Variants in SERTAD2 observed in about 807,000 individuals in gnomAD.
SERTAD2 encodes the protein SERTA domain containing 2.
A neutral mutation model predicts 15.4 loss-of-function variants in SERTAD2; 2 were observed. The ratio of observed to expected loss-of-function variants is 0.13; its 90% CI spans 0.05 to 0.41. The LOEUF (loss-of-function observed/expected upper bound fraction) is 0.41, where lower values mean the gene tolerates loss of function less well. Ranked by LOEUF, SERTAD2 falls within the 10% of genes least tolerant of loss-of-function variation. SERTAD2 has a pLI of 0.99. For missense variants in SERTAD2, 333 were observed against 409.7 expected (o/e 0.81, Z 1.62); for synonymous variants, 180 against 178.0 (o/e 1.01, Z -0.09).
Position 64,633,454 on chromosome 2 carries a change from T to C in SERTAD2, c.*2473A>G, listed in dbSNP as rs899281776. On this transcript the variant is annotated 3_prime_UTR_variant, in exon 2 of 2. Coordinates refer to ENST00000313349, the MANE Select transcript of SERTAD2 (RefSeq NM_014755.3). Reference sequence around the variant, plus strand: ...TGCTAATCCAACAAAAGTACAGTTGTTGTAAGTTACTGTAAATCAGTTTTT... The same window carrying C: ...TGCTAATCCAACAAAAGTACAGTTGCTGTAAGTTACTGTAAATCAGTTTTT... 4.6e-5 allele frequency: 7 copies of C among 152,238 alleles called. No individual in the cohort carries two copies. The highest frequency in any genetic ancestry group is 1.0e-4 in the Non-Finnish European group (7 of 68,036). 9.4% of individuals were successfully genotyped at this position (152,238 alleles called of 1,614,324 possible). A position where few individuals can be genotyped will look rare whatever the true frequency, so the allele number is the denominator to read the frequency against.
rs1404934827 is a variant in SERTAD2, at chr2:64,632,877, T to C, written c.*3050A>G. The C allele has an allele frequency of 3.1e-5, 3 of 97,766 alleles. No individual in the cohort carries two copies. The South Asian group carries it at 9.4e-4, about 31-fold the overall frequency. 6.1% of individuals were successfully genotyped at this position (97,766 alleles called of 1,614,324 possible). A position where few individuals can be genotyped will look rare whatever the true frequency, so the allele number is the denominator to read the frequency against. Reference sequence around the variant, plus strand: ...ACAGAAAAAAGGAATAAATAACTTATGGGGGGAAAAAAACTCACTTCAAAT... The same window carrying C: ...ACAGAAAAAAGGAATAAATAACTTACGGGGGGAAAAAAACTCACTTCAAAT... On this transcript the variant is annotated 3_prime_UTR_variant, in exon 2 of 2. Transcript: ENST00000313349.
intron 1 of SERTAD2, among the ~76,000 whole-genome samples, chr2:64,641,980 G>A (rs1205914495): frequency 6.6e-6 from 1 of 152,140 alleles, no homozygotes; most frequent in African/African-American, 2.4e-5. Flanking sequence ...CAAACTTTCG[G>A]GTGATGCTGG....
intron 1 of SERTAD2, among the ~76,000 whole-genome samples, chr2:64,642,143 C>T (rs369759696): frequency 9.2e-5 from 14 of 152,326 alleles, no homozygotes; most frequent in East Asian, 5.8e-4. Context: ...GAATGAACAG[C>T]ATTTTTGTGA....
intron 1 of SERTAD2, among the ~76,000 whole-genome samples, chr2:64,640,152 A>C (rs1357697062): frequency 3.3e-5 from 5 of 152,244 alleles, no homozygotes; most frequent in Non-Finnish European, 7.3e-5. Flanking sequence ...CTAAGCTGTT[A>C]CAGAAAGGAA....
At position 64,635,740 on chromosome 2, in the gene SERTAD2, T is replaced by G. The variant is rs1674643227; in HGVS notation, c.*187A>C. ...TGAGGAACCACTCAAAAAAGTGTATTAAAAGTGGTCATACTTGGATGAAGG... is the reference window on the plus strand; with the variant it reads ...TGAGGAACCACTCAAAAAAGTGTATGAAAAGTGGTCATACTTGGATGAAGG... On this transcript the variant is annotated 3_prime_UTR_variant, in exon 2 of 2. Transcript: ENST00000313349. 1 of 575,854 alleles carries G rather than the reference T, an allele frequency of 1.7e-6. No individual in the cohort carries two copies. The highest frequency in any genetic ancestry group is 1.9e-5 in the African/African-American group (1 of 53,656). 35.7% of individuals were successfully genotyped at this position (575,854 alleles called of 1,614,324 possible).
At position 64,634,554 on chromosome 2, in the gene SERTAD2, T is replaced by TC. The variant is rs1674612258; in HGVS notation, c.*1372dup. Reference sequence around the variant, plus strand: ...GAGTCACACATGTTGTAAGAGTGCATCCCGGGCCGGCCGAGGCGAGCCAAG... The same window carrying TC: ...GAGTCACACATGTTGTAAGAGTGCATCCCCGGGCCGGCCGAGGCGAGCCAAG... On this transcript the variant is annotated 3_prime_UTR_variant, in exon 2 of 2. Transcript: ENST00000313349. 1 of 151,998 alleles carries TC rather than the reference T, an allele frequency of 6.6e-6. No homozygotes were observed. Among genetic ancestry groups the TC allele is most frequent in the Non-Finnish European group, 1.5e-5 (1 of 68,032 alleles). The allele number at this position is 151,998 out of a possible 1,614,324, so 9.4% of individuals were successfully genotyped here.
At chr2:64,650,935 C>A (rs554233384) in intron 1 of SERTAD2, among the ~76,000 whole-genome samples, 16 of 152,182 alleles carry the variant, frequency 1.1e-4, no homozygotes, top group Non-Finnish European at 1.9e-4. Context: ...ACTCAGTAAT[C>A]AGAGACGGCG....
intron 1 of SERTAD2, among the ~76,000 whole-genome samples, chr2:64,651,845 T>A (rs1378008146): frequency 6.6e-6 from 1 of 152,098 alleles, no homozygotes; most frequent in African/African-American, 2.4e-5. Context: ...AAAATGTGAG[T>A]CCTCTCCCTT....
rs1389735248 is a variant in SERTAD2, at chr2:64,636,285, A to T, written c.587T>A (p.Val196Glu). ...GCCAGCCTCGCTGGAGGTCCCTTTC[A>T]CACTGTCAGTCGCAGCCGTGGCCGC... is the stretch of plus-strand genomic sequence containing the variant. ...TEAATAATDS[V>E]KGTSSEAGTQ... The change falls in exon 2 of 2, where the codon GTG becomes GAG. Residue 196 changes from valine to glutamate, a missense_variant. Transcript: ENST00000313349. The T allele has an allele frequency of 1.2e-6, 2 of 1,614,116 alleles. No individual in the cohort carries two copies. The highest frequency in any genetic ancestry group is 1.7e-6 in the Non-Finnish European group (2 of 1,180,022).
intron 1 of SERTAD2, among the ~76,000 whole-genome samples, chr2:64,641,344 T>TA (rs1045768874): frequency 1.4e-4 from 22 of 152,322 alleles, no homozygotes; most frequent in African/African-American, 4.6e-4. Flanking sequence ...ACTCCCACAG[T>TA]AAGCAATCTG....
chr2:64,650,694 C>G (rs1674990611), intron 1 of SERTAD2, among the ~76,000 whole-genome samples: 1 of 152,112 alleles, frequency 6.6e-6, no homozygotes, highest in Non-Finnish European at 1.5e-5. Context: ...AACAGGAGTC[C>G]TGGCTTGTGG....
intron 1 of SERTAD2, among the ~76,000 whole-genome samples, chr2:64,651,791 T>A (rs1453606461): frequency 6.6e-6 from 1 of 152,174 alleles, no homozygotes; most frequent in Non-Finnish European, 1.5e-5. Flanking sequence ...ATAAAACCGT[T>A]CCCTAGGACA....
intron 1 of SERTAD2, among the ~76,000 whole-genome samples, chr2:64,643,160 A>G (rs946479432): frequency 1.3e-5 from 2 of 152,240 alleles, no homozygotes; most frequent in Non-Finnish European, 2.9e-5. Flanking sequence ...GGAACTCAGG[A>G]AAGCATCGCC....
In SERTAD2 at chr2:64,636,457, C is replaced by T. The variant is rs769244475; in HGVS notation, c.415G>A (p.Asp139Asn). 1.8e-5 allele frequency: 29 copies of T among 1,614,064 alleles called. No individual in the cohort carries two copies. The Admixed American group carries it at 3.7e-4, about 20-fold the overall frequency. The change falls in exon 2 of 2, where the codon GAC becomes AAC. Residue 139 changes from aspartate to asparagine, a missense_variant. By Grantham distance (23) the Asp-to-Asn change is conservative. This residue lies in a region of SERTAD2 where 332 missense variants were observed against 392.9 expected (regional missense o/e 0.84). Coordinates refer to ENST00000313349, the MANE Select transcript of SERTAD2 (RefSeq NM_014755.3). ...TGGGAGGTGCAAAACGTGTCATCGT[C>T]GTCCTCGAGCAGTGAGGCCGGGGTG... ...CLTPASLLED[D>N]DDTFCTSQAM...
In SERTAD2 at chr2:64,636,225, G is replaced by A. The variant is rs771671831; in HGVS notation, c.647C>T (p.Ala216Val). The A allele has an allele frequency of 1.2e-6, 2 of 1,614,220 alleles. No homozygotes were observed. Among genetic ancestry groups the A allele is most frequent in the Middle Eastern group, 3.3e-4 (2 of 6,062 alleles). ...QKLDGPQESR[A>V]DDSKLMDSLP... is the part of the protein sequence containing the mutation. ...AGAGTCCATCAGTTTTGAGTCATCTGCGCGGCTCTCTTGAGGACCGTCGAG... is the reference window on the plus strand; with the variant it reads ...AGAGTCCATCAGTTTTGAGTCATCTACGCGGCTCTCTTGAGGACCGTCGAG... The change falls in exon 2 of 2, where the codon GCA becomes GTA. Residue 216 changes from alanine (A) to valine (V), a missense_variant. This residue lies in a region of SERTAD2 where 332 missense variants were observed against 392.9 expected (regional missense o/e 0.84). Coordinates refer to ENST00000313349, the MANE Select transcript of SERTAD2 (RefSeq NM_014755.3).
At chr2:64,640,288 C>G (rs949088418) in intron 1 of SERTAD2, among the ~76,000 whole-genome samples, 1 of 152,304 alleles carries the variant, frequency 6.6e-6, no homozygotes, top group East Asian at 1.9e-4. Context: ...AGTGGGAACT[C>G]TCACTCTCAG....
chr2:64,650,451 A>G (rs1674985724), intron 1 of SERTAD2, among the ~76,000 whole-genome samples: 1 of 152,130 alleles, frequency 6.6e-6, no homozygotes, highest in African/African-American at 2.4e-5. Context: ...AGATTCATAC[A>G]AAGAATGAAC....
rs754716307 is a variant in SERTAD2 at position 64,636,404 on chromosome 2, T to C, written c.468A>G (p.Lys156=). The part of the protein sequence containing the change: ...SQAMQPTAPT[K]LSPPALLPEK... ...CTGGCAAGAGGGCTGGAGGTGACAGTTTGGTGGGAGCCGTGGGCTGCATGG... is the reference window on the plus strand; with the variant it reads ...CTGGCAAGAGGGCTGGAGGTGACAGCTTGGTGGGAGCCGTGGGCTGCATGG... The change falls in exon 2 of 2, where the codon AAA becomes AAG. Residue 156 remains lysine (K), a synonymous_variant. Coordinates refer to ENST00000313349, the MANE Select transcript of SERTAD2 (RefSeq NM_014755.3). The C allele has an allele frequency of 5.0e-6, 8 of 1,613,924 alleles. No homozygotes were observed. In the South Asian group the frequency reaches 7.7e-5, roughly 16 times the overall value.
At position 64,637,534 on chromosome 2, in the gene SERTAD2, G is replaced by C. The variant is rs139752742; in HGVS notation, c.-4-659C>G. 4.3e-3 allele frequency among the ~76,000 whole-genome samples: 648 copies of C among 152,290 alleles called. 5 individuals carry two copies. Among genetic ancestry groups the C allele is most frequent in the African/African-American group, 0.015 (615 of 41,558 alleles). On this transcript the variant is annotated intron_variant, in intron 1 of 1. Coordinates refer to ENST00000313349, the MANE Select transcript of SERTAD2 (RefSeq NM_014755.3). The stretch of plus-strand genomic sequence containing the variant: ...GCCGCCACTTTTCATTTAGAATCAA[G>C]GGGAGGAATGCGTATGTCCCAGCCT...
Sources: allele counts gnomAD v4.1 joint callset (sites outside exome capture counted in the v4.1 genomes callset), GRCh38; gene constraint gnomAD v4.1.1; regional missense constraint gnomAD v4.1.1; transcripts MANE v1.5; gene names NCBI Gene and HGNC (gene_info 2026-07-23, HGNC 2026-07-21).